TTPAL: variants seen among roughly 807,000 people sequenced by gnomAD.
TTPAL encodes the protein alpha-tocopherol transfer protein-like.
In TTPAL, 21 loss-of-function variants were observed where a neutral mutation model predicts 28.7. That is an observed-to-expected ratio of 0.73 (90% CI 0.52 to 1.06). The LOEUF is 1.06. TTPAL is among the 50% of genes least tolerant of loss of function. The pLI, the probability that TTPAL is intolerant of heterozygous loss-of-function variation, is 0.00. For synonymous variants in TTPAL, 169 were observed against 171.9 expected, an observed-to-expected ratio of 0.98 and a Z score of 0.13; for missense variants, 345 against 425.5, an observed-to-expected ratio of 0.81 and a Z score of 1.67.
Position 44,494,500 on chromosome 20 carries a change from A to G in TTPAL, c.*4959A>G, listed in dbSNP as rs2064236772. On this transcript the variant is annotated 3_prime_UTR_variant, in exon 5 of 5. Coordinates refer to ENST00000262605, the MANE Select transcript of TTPAL (RefSeq NM_001039199.3). ...GTACTTCAGTGTTTGTTTTGACCAAAGTTTATTTTTCTAGTGCATTTTCTA... is the reference window on the plus strand; with the variant it reads ...GTACTTCAGTGTTTGTTTTGACCAAGGTTTATTTTTCTAGTGCATTTTCTA... 1 of 152,714 alleles carries G rather than the reference A, an allele frequency of 6.5e-6. No individual in the cohort carries two copies. Among genetic ancestry groups the G allele is most frequent in the South Asian group, 2.1e-4 (1 of 4,830 alleles). 9.5% of individuals were successfully genotyped at this position (152,714 alleles called of 1,614,324 possible).
chr20:44,477,669 A>G (rs947082603), intron 1 of TTPAL, among the ~76,000 whole-genome samples: 10 of 151,582 alleles, frequency 6.6e-5, no homozygotes, highest in Admixed American at 3.9e-4. Flanking sequence ...TTATTTATTT[A>G]TCTGAGATAG....
In TTPAL at chr20:44,484,335, A is replaced by T; in HGVS notation, c.446-2A>T. On this transcript the variant is annotated splice_acceptor_variant, in intron 2 of 4. Coordinates refer to ENST00000262605, the MANE Select transcript of TTPAL (RefSeq NM_001039199.3). LOFTEE classifies it high-confidence loss of function. Reference sequence around the variant, plus strand: ...CATACTGTCAATCTCTTATGACCTTAGACAGATGGATACCAAGCAACTATC... The same window carrying T: ...CATACTGTCAATCTCTTATGACCTTTGACAGATGGATACCAAGCAACTATC... 1 of 1,563,802 alleles carries T rather than the reference A, an allele frequency of 6.4e-7. No individual in the cohort carries two copies. Among genetic ancestry groups the T allele is most frequent in the Non-Finnish European group, 8.8e-7 (1 of 1,141,122 alleles).
intron 3 of TTPAL, 22 bp downstream of exon 3, chr20:44,484,552 C>T (rs1366755179): frequency 1.3e-6 from 2 of 1,515,926 alleles, no homozygotes; most frequent in South Asian, 2.5e-5. Context: ...ATGTGTCCTG[C>T]CTGTTTCGTG....
chr20:44,482,466 C>A (rs187801796), intron 2 of TTPAL, among the ~76,000 whole-genome samples: 1 of 150,480 alleles, frequency 6.6e-6, no homozygotes, highest in Non-Finnish European at 1.5e-5. Flanking sequence ...CCAACTACCC[C>A]GGAGGCTGAG....
In TTPAL at chr20:44,490,539, ATG is replaced by A. The variant is rs763840601; in HGVS notation, c.*1002_*1003del. 2 of 152,320 alleles carry A rather than the reference ATG, an allele frequency of 1.3e-5. No homozygotes were observed. The highest frequency in any genetic ancestry group is 2.4e-5 in the African/African-American group (1 of 41,448). The allele number at this position is 152,320 out of a possible 1,614,324, so 9.4% of individuals were successfully genotyped here. A position where few individuals can be genotyped will look rare whatever the true frequency, so the allele number is the denominator to read the frequency against. Reference sequence around the variant, plus strand: ...TGGATCCTGTTTTTGTTTGTGGTACATGTGTCTTTCCAAGAGAGATGTGTCAC... The same window carrying A: ...TGGATCCTGTTTTTGTTTGTGGTACATGTCTTTCCAAGAGAGATGTGTCAC... On this transcript the variant is annotated 3_prime_UTR_variant, in exon 5 of 5. Coordinates refer to ENST00000262605, the MANE Select transcript of TTPAL (RefSeq NM_001039199.3).
In TTPAL at chr20:44,493,337, C is replaced by T. The variant is rs867422081; in HGVS notation, c.*3796C>T. On this transcript the variant is annotated 3_prime_UTR_variant, in exon 5 of 5. Coordinates refer to ENST00000262605, the MANE Select transcript of TTPAL (RefSeq NM_001039199.3). ...AAACACCATTTTTCCCGAAATAAGACAATAAGAGGCTTTTCTCTGAATTCC... is the reference window on the plus strand; with the variant it reads ...AAACACCATTTTTCCCGAAATAAGATAATAAGAGGCTTTTCTCTGAATTCC... 1 of 152,256 alleles carries T rather than the reference C, an allele frequency of 6.6e-6. No homozygotes were observed. Among genetic ancestry groups the T allele is most frequent in the Non-Finnish European group, 1.5e-5 (1 of 68,020 alleles). 9.4% of individuals were successfully genotyped at this position (152,256 alleles called of 1,614,324 possible).
chr20:44,482,450 G>A (rs1256845999), intron 2 of TTPAL, among the ~76,000 whole-genome samples: 4 of 147,648 alleles, frequency 2.7e-5, no homozygotes, highest in African/African-American at 1.0e-4. Flanking sequence ...GCACATGCCT[G>A]TAATCCCAAC....
rs964978270 is a variant in TTPAL, at chr20:44,494,274, G to GCCT, written c.*4735_*4737dup. The GCCT allele has an allele frequency of 2.0e-5, 3 of 152,730 alleles. No homozygotes were observed. The highest frequency in any genetic ancestry group is 7.2e-5 in the African/African-American group (3 of 41,436). The allele number at this position is 152,730 out of a possible 1,614,324, so 9.5% of individuals were successfully genotyped here. A position where few individuals can be genotyped will look rare whatever the true frequency, so the allele number is the denominator to read the frequency against. ...TGCTGCTGTGGATTCTTGTAGCTAT[G>GCCT]CCTCGGCTTCTTGGCATATCAGGTA... is the stretch of plus-strand genomic sequence containing the variant. On this transcript the variant is annotated 3_prime_UTR_variant, in exon 5 of 5. Coordinates refer to ENST00000262605, the MANE Select transcript of TTPAL (RefSeq NM_001039199.3).
At position 44,479,004 on chromosome 20, in the gene TTPAL, T is replaced by C. The variant is rs183888349; in HGVS notation, c.-15-981T>C. Among the ~76,000 whole-genome samples the C allele has an allele frequency of 1.8e-4, 27 of 152,290 alleles. No individual in the cohort carries two copies. The East Asian group carries it at 5.2e-3, about 29-fold the overall frequency. ...TGGGGTTTCACCGCGTTAGCGAGGA[T>C]GGTCTCGATCGCCTGACCTCATGAG... On this transcript the variant is annotated intron_variant, in intron 1 of 4. Coordinates refer to ENST00000262605, the MANE Select transcript of TTPAL (RefSeq NM_001039199.3).
intron 1 of TTPAL, among the ~76,000 whole-genome samples, chr20:44,478,838 T>A (rs2064071240): frequency 6.6e-6 from 1 of 152,192 alleles, no homozygotes; most frequent in Non-Finnish European, 1.5e-5. Context: ...GTCACCCAGG[T>A]GGGAGTGCAG....
chr20:44,476,068 T>C, intron 1 of TTPAL, 77 bp downstream of exon 1: 1 of 151,308 alleles, frequency 6.6e-6, no homozygotes, highest in East Asian at 1.9e-4. Context: ...TAACCGGAAG[T>C]GGGGACCAGA....
chr20:44,479,788 C>A (rs1349829795), intron 1 of TTPAL, among the ~76,000 whole-genome samples, 197 bp from the exon 2 acceptor site: 1 of 152,172 alleles, frequency 6.6e-6, no homozygotes, highest in Non-Finnish European at 1.5e-5. Context: ...TGCTGCCTGC[C>A]TCCCTGGGGA....
At chr20:44,486,362 A>G (rs2064151923) in intron 3 of TTPAL, 2 of 348,950 alleles carry the variant, frequency 5.7e-6, no homozygotes, top group Admixed American at 4.6e-5. Context: ...GATTACAGGC[A>G]TGAGCCACTA....
chr20:44,484,521 C>T lies in TTPAL; in HGVS notation c.630C>T (p.Gly210=). ...CTTTTATAGCCAAAAAGGTGATTGG[C>T]ATCCTCCAGGTAAGACCCGTATGTG... ...FGPFIAKKVI[G]ILQDGFPIRI... is the part of the protein sequence containing the mutation. Residue 210 remains glycine, a synonymous_variant, in exon 3 of 5, where the codon GGC becomes GGT. Coordinates refer to ENST00000262605, the MANE Select transcript of TTPAL (RefSeq NM_001039199.3). 6.3e-7 allele frequency: 1 copy of T among 1,574,944 alleles called. No homozygotes were observed. Among genetic ancestry groups the T allele is most frequent in the Non-Finnish European group, 8.7e-7 (1 of 1,148,846 alleles).
intron 2 of TTPAL, among the ~76,000 whole-genome samples, chr20:44,483,357 G>A (rs1458133483): frequency 2.6e-5 from 4 of 152,178 alleles, no homozygotes; most frequent in African/African-American, 7.2e-5. Flanking sequence ...CATGGGGCCC[G>A]TGAATCTCAG....
intron 3 of TTPAL, among the ~76,000 whole-genome samples, chr20:44,485,235 T>C (rs2064141217): frequency 6.6e-6 from 1 of 152,150 alleles, no homozygotes; most frequent in Non-Finnish European, 1.5e-5. Context: ...GGTCAGATGC[T>C]TCACACCTCA....
intron 3 of TTPAL, 103 bp from the exon 4 acceptor site, chr20:44,486,493 A>T (rs2064153015): frequency 1.4e-6 from 1 of 726,892 alleles, no homozygotes; most frequent in African/African-American, 1.8e-5. Flanking sequence ...CATAAGGATC[A>T]GATCAGACTG....
chr20:44,478,340 G>A (rs2122755272), intron 1 of TTPAL, among the ~76,000 whole-genome samples: 1 of 152,358 alleles, frequency 6.6e-6, no homozygotes, highest in Non-Finnish European at 1.5e-5. Context: ...ACAAAGGTTT[G>A]GCCAGGCCCT....
intron 4 of TTPAL, among the ~76,000 whole-genome samples, chr20:44,488,331 G>A (rs540092406): frequency 1.3e-5 from 2 of 152,282 alleles, no homozygotes; most frequent in South Asian, 4.1e-4. Flanking sequence ...AGCAGCCTTT[G>A]GACAGGTCTT....
Sources: gnomAD v4.1 joint callset for allele counts (sites outside exome capture counted in the v4.1 genomes callset) on GRCh38, gnomAD v4.1.1 for gene constraint, MANE v1.5 for transcripts, NCBI Gene and HGNC (gene_info 2026-07-23, HGNC 2026-07-21) for gene names.